Variants in CSNK2A1 observed in about 807,000 individuals in gnomAD.
CSNK2A1 encodes casein kinase II subunit alpha.
Under a neutral mutation model 62.9 loss-of-function variants are expected in CSNK2A1, and 10 were observed. The ratio of observed to expected loss-of-function variants is 0.16; its 90% confidence interval spans 0.10 to 0.27. The LOEUF is 0.27. CSNK2A1 is among the 10% of genes least tolerant of loss of function. The probability of loss-of-function intolerance (pLI) is 1.00; values close to 1 mark genes in which losing one functional copy is unlikely to be tolerated. For missense variants in CSNK2A1, 160 were observed against 492.0 expected, an observed-to-expected ratio of 0.33 and a Z score of 6.38; for synonymous variants, 124 against 167.8, an observed-to-expected ratio of 0.74 and a Z score of 2.02.
chr20:488,294 C>T (rs1337749035), intron 11 of CSNK2A1: 3 of 190,334 alleles, frequency 1.6e-5, no homozygotes, highest in Admixed American at 5.9e-5. Flanking sequence ...TATGAGCCAC[C>T]GTGCCCAGCC....
intron 2 of CSNK2A1, among the ~76,000 whole-genome samples, chr20:513,540 T>C (rs566009748): frequency 1.3e-5 from 2 of 152,348 alleles, no homozygotes; most frequent in South Asian, 4.1e-4. Flanking sequence ...TCCCGGCCAC[T>C]GAGGGCTAAC....
At chr20:492,132 G>A (rs1348409292) in intron 9 of CSNK2A1, 122 bp downstream of exon 9, 4 of 678,728 alleles carry the variant, frequency 5.9e-6, no homozygotes, top group Non-Finnish European at 1.0e-5. Flanking sequence ...ATATAAAAAG[G>A]ACAGCTGTGA....
intron 2 of CSNK2A1, among the ~76,000 whole-genome samples, chr20:509,019 T>G (rs2018662954): frequency 6.6e-6 from 1 of 152,244 alleles, no homozygotes; most frequent in South Asian, 2.1e-4. Flanking sequence ...AGAAAAATAC[T>G]TTCTTTTCAG....
chr20:538,992 C>T (rs1261021016), intron 1 of CSNK2A1, among the ~76,000 whole-genome samples: 1 of 152,154 alleles, frequency 6.6e-6, no homozygotes. Context: ...ATTCAAACAT[C>T]AAGAAACAGG....
At chr20:539,379 T>G (rs1480741360) in intron 1 of CSNK2A1, 1 of 152,356 alleles carries the variant, frequency 6.6e-6, no homozygotes, top group South Asian at 2.1e-4. Context: ...CAGCTGGGAC[T>G]GGCCTTTCCT....
intron 2 of CSNK2A1, among the ~76,000 whole-genome samples, chr20:512,306 A>G (rs1225994289): frequency 6.6e-5 from 10 of 151,172 alleles, no homozygotes; most frequent in Non-Finnish European, 1.0e-4. Context: ...AATGATGTTG[A>G]GCATCTTTTT....
At position 475,118 on chromosome 20, in the gene CSNK2A1, G is replaced by A. The variant is rs2017821615; in HGVS notation, c.*8843C>T. 6.6e-6 allele frequency: 1 copy of A among 152,122 alleles called. No individual in the cohort carries two copies. Among genetic ancestry groups the A allele is most frequent in the African/African-American group, 2.4e-5 (1 of 41,420 alleles). 9.4% of individuals were successfully genotyped at this position (152,122 alleles called of 1,614,324 possible). ...GAATGTTGTGTTGTTTCTGGCCATG[G>A]AGTCTCAAAGACTGATTCTCAATTT... On this transcript the variant is annotated 3_prime_UTR_variant, in exon 14 of 14. Coordinates refer to ENST00000217244, the MANE Select transcript of CSNK2A1 (RefSeq NM_177559.3).
At chr20:538,563 C>T (rs1163771258) in intron 1 of CSNK2A1, among the ~76,000 whole-genome samples, 1 of 152,026 alleles carries the variant, frequency 6.6e-6, no homozygotes, top group Non-Finnish European at 1.5e-5. Flanking sequence ...CTTTAAAGAA[C>T]AAAAAGAAAA....
Position 475,089 on chromosome 20 carries a change from AGTGG to A in CSNK2A1, c.*8868_*8871del, listed in dbSNP as rs2017820824. 6.6e-6 allele frequency: 1 copy of A among 152,224 alleles called. No individual in the cohort carries two copies. The highest frequency in any genetic ancestry group is 2.4e-5 in the African/African-American group (1 of 41,458). The allele number at this position is 152,224 out of a possible 1,614,324, so 9.4% of individuals were successfully genotyped here. The stretch of plus-strand genomic sequence containing the variant: ...GGACCCCCAGAAGCACCCTGTGTAT[AGTGG>A]AATGTTGTGTTGTTTCTGGCCATGG... On this transcript the variant is annotated 3_prime_UTR_variant, in exon 14 of 14. Coordinates refer to ENST00000217244, the MANE Select transcript of CSNK2A1 (RefSeq NM_177559.3).
In CSNK2A1 at chr20:514,791, A is replaced by G. The variant is rs951071271; in HGVS notation, c.-109-6131T>C. ...AATAGTATTTCACTTATACCTCTGC[A>G]AATGCATATGTATATCACATGTAAG... On this transcript the variant is annotated intron_variant, in intron 2 of 13. Coordinates refer to ENST00000217244, the MANE Select transcript of CSNK2A1 (RefSeq NM_177559.3). 4.6e-5 allele frequency among the ~76,000 whole-genome samples: 7 copies of G among 152,326 alleles called. No individual in the cohort carries two copies. The South Asian group carries it at 8.3e-4, about 18-fold the overall frequency.
chr20:522,065 G>A (rs908251146), intron 2 of CSNK2A1, among the ~76,000 whole-genome samples: 4 of 152,218 alleles, frequency 2.6e-5, no homozygotes, highest in Non-Finnish European at 5.9e-5. Flanking sequence ...ATTACTGCCC[G>A]AGCTCTGCCT....
At chr20:497,883 GT>G in intron 6 of CSNK2A1, 103 bp from the exon 7 acceptor site, 1 of 1,022,820 alleles carries the variant, frequency 9.8e-7, no homozygotes, top group Non-Finnish European at 1.5e-6. Context: ...ATTTACCGTT[GT>G]TCCAAGATCT....
intron 2 of CSNK2A1, chr20:510,281 T>G (rs2018691324): frequency 6.6e-6 from 1 of 152,204 alleles, no homozygotes; most frequent in South Asian, 2.1e-4. Flanking sequence ...GTTCATGTGA[T>G]TCTCCTGCCT....
In CSNK2A1 at chr20:508,558, C is replaced by T; in HGVS notation, c.-7G>A. The T allele has an allele frequency of 1.2e-6, 2 of 1,610,868 alleles. No homozygotes were observed. The highest frequency in any genetic ancestry group is 1.7e-4 in the Middle Eastern group (1 of 6,048). ...TTGGCACGGGTCCCGACATGTCAGA[C>T]AGGTTGGCGGACAAAGCTGGACTTG... On this transcript the variant is annotated 5_prime_UTR_variant, in exon 3 of 14. Coordinates refer to ENST00000217244, the MANE Select transcript of CSNK2A1 (RefSeq NM_177559.3).
intron 9 of CSNK2A1, among the ~76,000 whole-genome samples, chr20:490,339 T>TTTTTTC (rs2018196673): frequency 7.2e-6 from 1 of 137,962 alleles, no homozygotes; most frequent in Non-Finnish European, 1.5e-5. Flanking sequence ...TTTTTTCTTT[T>TTTTTTC]TTTTTTTTTT....
Position 497,887 on chromosome 20 carries a change from C to T in CSNK2A1, c.367-107G>A, listed in dbSNP as rs2018377969. The T allele has an allele frequency of 1.2e-5, 12 of 961,108 alleles. No homozygotes were observed. In the South Asian group the frequency reaches 1.5e-4, roughly 12 times the overall value. The allele number at this position is 961,108 out of a possible 1,614,324, so 59.5% of individuals were successfully genotyped here. On this transcript the variant is annotated intron_variant, in intron 6 of 13. Transcript: ENST00000217244. ...AGACTTGGCTCATTTACCGTTGTTC[C>T]AAGATCTGTCCATTCACTGCCCTCT...
chr20:540,879 T>C (rs1484117958), intron 1 of CSNK2A1: 1 of 152,178 alleles, frequency 6.6e-6, no homozygotes, highest in Non-Finnish European at 1.5e-5. Context: ...GTCTTTTGCT[T>C]AGGGTCTCAC....
intron 1 of CSNK2A1, among the ~76,000 whole-genome samples, chr20:534,097 CCT>C (rs1398415911): frequency 6.6e-6 from 1 of 152,116 alleles, no homozygotes; most frequent in Non-Finnish European, 1.5e-5. Context: ...CATTTGAATG[CCT>C]CTTACAAACC....
Position 499,532 on chromosome 20 carries a change from T to C in CSNK2A1, c.316-227A>G. ...ATGGAGCTGAAGTCTCACCAGGCTC[T>C]AGGCAGCCCGACAATGCGCCCATCG... is the stretch of plus-strand genomic sequence containing the variant. On this transcript the variant is annotated intron_variant, in intron 5 of 13. Transcript: ENST00000217244. The surrounding 1 kb of genome is among the most constrained non-coding windows in gnomAD (Gnocchi z 4.2). 1 of 557,086 alleles carries C rather than the reference T, an allele frequency of 1.8e-6. No individual in the cohort carries two copies. The highest frequency in any genetic ancestry group is 3.1e-6 in the Non-Finnish European group (1 of 320,286). The allele number at this position is 557,086 out of a possible 1,614,324, so 34.5% of individuals were successfully genotyped here.
Sources: allele counts gnomAD v4.1 joint callset (sites outside exome capture counted in the v4.1 genomes callset), GRCh38; gene constraint gnomAD v4.1.1; non-coding constraint Gnocchi (gnomAD v3.1); transcripts MANE v1.5; gene names NCBI Gene and HGNC (gene_info 2026-07-23, HGNC 2026-07-21).